The following ABI2 variants were observed in gnomAD, a reference collection of about 807,000 sequenced individuals.
ABI2 encodes the protein abl interactor 2.
A neutral mutation model predicts 59.2 loss-of-function variants in ABI2; 25 were observed. The ratio of observed to expected loss-of-function variants is 0.42; its 90% confidence interval spans 0.31 to 0.59. ABI2 has a LOEUF of 0.59. Ranked by LOEUF, ABI2 falls within the 20% of genes least tolerant of loss-of-function variation. ABI2 has a pLI of 0.14. For missense variants in ABI2, 545 were observed against 681.8 expected, an observed-to-expected ratio of 0.80 and a Z score of 2.23; for synonymous variants, 213 against 235.5, an observed-to-expected ratio of 0.90 and a Z score of 0.87.
intron 10 of ABI2, among the ~76,000 whole-genome samples, chr2:203,412,298 A>C (rs1019850198): frequency 1.3e-5 from 2 of 152,156 alleles, no homozygotes; most frequent in South Asian, 2.1e-4. Context: ...TTTCCCCAGC[A>C]CTTGGAAAAG....
chr2:203,360,217 G>A (rs1208623551), intron 1 of ABI2, among the ~76,000 whole-genome samples: 1 of 144,616 alleles, frequency 6.9e-6, no homozygotes, highest in Non-Finnish European at 1.5e-5. Flanking sequence ...AGAAGCAGTT[G>A]TACCCTAAAG....
At chr2:203,397,558 TTAA>T (rs1319343818) in intron 8 of ABI2, among the ~76,000 whole-genome samples, 6 of 152,008 alleles carry the variant, frequency 3.9e-5, no homozygotes, top group Non-Finnish European at 2.9e-5. Context: ...ATTTGTAGAG[TTAA>T]TGATGCTGGC....
intron 2 of ABI2, among the ~76,000 whole-genome samples, chr2:203,373,929 C>G (rs1212475648): frequency 6.6e-6 from 1 of 150,694 alleles, no homozygotes; most frequent in Non-Finnish European, 1.5e-5. Flanking sequence ...GAGGCTGAGG[C>G]AGGCGGATCC....
chr2:203,331,436 G>T (rs2152294166), intron 1 of ABI2, among the ~76,000 whole-genome samples: 1 of 137,832 alleles, frequency 7.3e-6, no homozygotes, highest in African/African-American at 2.7e-5. Flanking sequence ...TCTGCTCACT[G>T]CAACCTCCGC....
At chr2:203,402,766 A>T in intron 9 of ABI2, 32 bp downstream of exon 9, 1 of 1,496,760 alleles carries the variant, frequency 6.7e-7, no homozygotes, top group South Asian at 1.4e-5. Context: ...CATTCTATAG[A>T]ATGTATTTAA....
chr2:203,395,796 T>C lies in ABI2; in HGVS notation c.850+16T>C. 6.4e-7 allele frequency: 1 copy of C among 1,570,806 alleles called. No homozygotes were observed. On this transcript the variant is annotated intron_variant, in intron 7 of 11. Coordinates refer to ENST00000261018, the MANE Select transcript of ABI2 (RefSeq NM_001375670.1). ...GTCTTTCCAGGTAAAACATTCATGG[T>C]GCCTCGTCTTCACTTTTCCTTTCTG... is the stretch of plus-strand genomic sequence containing the variant.
At chr2:203,371,356 C>G (rs1307810309) in intron 2 of ABI2, among the ~76,000 whole-genome samples, 1 of 152,140 alleles carries the variant, frequency 6.6e-6, no homozygotes, top group African/African-American at 2.4e-5. Context: ...AAAGTAATAA[C>G]CCACTCTTTC....
chr2:203,408,311 T>A (rs2097520088), intron 9 of ABI2, among the ~76,000 whole-genome samples: 1 of 151,864 alleles, frequency 6.6e-6, no homozygotes, highest in Non-Finnish European at 1.5e-5. Context: ...TACAGGCACC[T>A]GCTACCACAC....
At chr2:203,400,909 G>A (rs761531304) in intron 8 of ABI2, among the ~76,000 whole-genome samples, 5 of 152,210 alleles carry the variant, frequency 3.3e-5, no homozygotes, top group African/African-American at 4.8e-5. Flanking sequence ...AAGCCTGGAA[G>A]AGGATATGAC....
intron 1 of ABI2, among the ~76,000 whole-genome samples, chr2:203,341,690 A>G (rs549895434): frequency 6.6e-4 from 101 of 152,278 alleles, no homozygotes; most frequent in African/African-American, 2.2e-3. Context: ...AGCCTGGGCA[A>G]CAGAGCGAGA....
intron 11 of ABI2, among the ~76,000 whole-genome samples, chr2:203,420,855 G>A (rs1580824227): frequency 6.6e-6 from 1 of 150,406 alleles, no homozygotes; most frequent in East Asian, 2.0e-4. Flanking sequence ...ATGAATAGGA[G>A]TTTCTCAGGC....
At chr2:203,372,726 G>A (rs2095357748) in intron 2 of ABI2, among the ~76,000 whole-genome samples, 2 of 149,992 alleles carry the variant, frequency 1.3e-5, no homozygotes, top group South Asian at 2.1e-4. Flanking sequence ...GGCGGCTGCC[G>A]GGCGGAGGGG....
chr2:203,359,125 G>A (rs938192338), intron 1 of ABI2, among the ~76,000 whole-genome samples: 1 of 152,222 alleles, frequency 6.6e-6, no homozygotes, highest in Non-Finnish European at 1.5e-5. Flanking sequence ...TTTCCTTAGT[G>A]TAGGTCAGAC....
chr2:203,367,363 A>G (rs1156977133), intron 2 of ABI2: 4 of 171,830 alleles, frequency 2.3e-5, no homozygotes, highest in Non-Finnish European at 4.8e-5. Context: ...TTCTTTATCA[A>G]TTTAAAAAGA....
At position 203,416,903 on chromosome 2, in the gene ABI2, C is replaced by A; in HGVS notation, c.1280-5C>A. 4 of 1,607,294 alleles carry A rather than the reference C, an allele frequency of 2.5e-6. No individual in the cohort carries two copies. Among genetic ancestry groups the A allele is most frequent in the Non-Finnish European group, 3.4e-6 (4 of 1,176,594 alleles). On this transcript the variant is annotated splice_region_variant and splice_polypyrimidine_tract_variant and intron_variant, in intron 10 of 11. Transcript: ENST00000261018. The stretch of plus-strand genomic sequence containing the variant: ...AGTTTTGTTGTCAGCCTGATACGTT[C>A]TTAGTTTCAGATACACCACCTCCAC...
Position 203,328,602 on chromosome 2 carries a change from G to T in ABI2, c.88G>T (p.Ala30Ser). ...FDSYTNLERVADYCENNYIQS... is the reference protein window; with the variant it reads ...FDSYTNLERVSDYCENNYIQS... ...CAGCTACACAAATCTGGAACGGGTG[G>T]CCGATTACTGCGAGAACAACTACAT... Residue 30 changes from alanine (A) to serine (S), a missense_variant, in exon 1 of 12, where the codon GCC becomes TCC. Around this residue, in one of 4 missense-constraint regions of ABI2, gnomAD observed 55 missense variants for 59.7 expected, o/e 0.92. Coordinates refer to ENST00000261018, the MANE Select transcript of ABI2 (RefSeq NM_001375670.1). The T allele has an allele frequency of 6.2e-7, 1 of 1,603,290 alleles. No homozygotes were observed. The highest frequency in any genetic ancestry group is 1.1e-5 in the South Asian group (1 of 90,318).
chr2:203,368,736 T>C (rs904918415), intron 2 of ABI2, among the ~76,000 whole-genome samples: 4 of 152,126 alleles, frequency 2.6e-5, no homozygotes, highest in Non-Finnish European at 1.5e-5. Flanking sequence ...TGGTGCGTTT[T>C]AATGAGTGTA....
intron 5 of ABI2, 43 bp downstream of exon 5, chr2:203,391,186 T>G: frequency 7.5e-7 from 1 of 1,326,292 alleles, no homozygotes; most frequent in Non-Finnish European, 1.0e-6. Context: ...CATGTAGTAT[T>G]GTTTAAAAAT....
intron 11 of ABI2, among the ~76,000 whole-genome samples, chr2:203,418,755 G>T (rs2098032267): frequency 6.6e-6 from 1 of 152,196 alleles, no homozygotes; most frequent in African/African-American, 2.4e-5. Context: ...ATTACATAAA[G>T]GCATGAATAC....
Sources: allele counts gnomAD v4.1 joint callset (sites outside exome capture counted in the v4.1 genomes callset), GRCh38; gene constraint gnomAD v4.1.1; regional missense constraint gnomAD v4.1.1; transcripts MANE v1.5; gene names NCBI Gene and HGNC (gene_info 2026-07-23, HGNC 2026-07-21).